Variants in DOCK8 observed in about 807,000 individuals in gnomAD.
DOCK8 encodes the protein dedicator of cytokinesis 8.
In DOCK8, 141 loss-of-function variants were observed where a neutral mutation model predicts 245.6. That is an observed-to-expected ratio of 0.57 (90% CI 0.50 to 0.66). The LOEUF is 0.66. DOCK8 is among the 30% of genes least tolerant of loss of function. The pLI is 0.00. For synonymous variants in DOCK8, 1,168 were observed against 970.2 expected (o/e 1.20, Z -3.79); for missense variants, 2,965 against 2,603.4 (o/e 1.14, Z -3.02).
chr9:257,003 C>G (rs1364636327), intron 1 of DOCK8, among the ~76,000 whole-genome samples: 5 of 152,188 alleles, frequency 3.3e-5, no homozygotes, highest in Non-Finnish European at 7.3e-5. Context: ...AAATATTCAC[C>G]CTTCCAGGCA....
chr9:241,020 A>C (rs2047363114), intron 1 of DOCK8, among the ~76,000 whole-genome samples: 1 of 152,200 alleles, frequency 6.6e-6, no homozygotes, highest in East Asian at 1.9e-4. Context: ...CTTTTAGAAA[A>C]GGGAAAATGA....
At chr9:384,358 T>G (rs1314089924) in intron 22 of DOCK8, among the ~76,000 whole-genome samples, 2 of 152,174 alleles carry the variant, frequency 1.3e-5, no homozygotes, top group Non-Finnish European at 2.9e-5. Context: ...GCTATTAGAG[T>G]AATATCATTT....
chr9:463,635 C>T lies in DOCK8; in HGVS notation c.6187C>T (p.Arg2063Trp), dbSNP rs754936136. The change falls in exon 47 of 48, where the codon CGG (arginine) becomes TGG (tryptophan). Residue 2063 changes from arginine (R) to tryptophan (W), a missense_variant. By Grantham distance (101) the Arg-to-Trp change is moderately radical. Around this residue, in one of 3 missense-constraint regions of DOCK8, gnomAD observed 134 missense variants for 128.1 expected, o/e 1.05. Transcript: ENST00000432829. ...AGAGAACCTCAGGCCAATGATCGAG[C>T]GGAAAATTCCAGAACTGTACAAGCC... ...LKENLRPMIE[R>W]KIPELYKPIF... The T allele has an allele frequency of 3.6e-5, 58 of 1,613,564 alleles. No individual in the cohort carries two copies. The highest frequency in any genetic ancestry group is 2.7e-4 in the East Asian group (12 of 44,888).
At chr9:268,762 C>T (rs2048091086) in intron 1 of DOCK8, among the ~76,000 whole-genome samples, 1 of 152,130 alleles carries the variant, frequency 6.6e-6, no homozygotes, top group South Asian at 2.1e-4. Context: ...TTGTGTTGGC[C>T]CTCCATGGCT....
intron 1 of DOCK8, among the ~76,000 whole-genome samples, chr9:268,475 T>C (rs1447629649): frequency 1.3e-5 from 2 of 152,208 alleles, no homozygotes; most frequent in Non-Finnish European, 2.9e-5. Context: ...AGTTTTGACA[T>C]AGGACAACAG....
intron 1 of DOCK8, among the ~76,000 whole-genome samples, chr9:255,659 C>T (rs2047751839): frequency 9.6e-6 from 1 of 103,658 alleles, no homozygotes; most frequent in African/African-American, 3.8e-5. Flanking sequence ...TAGAGCAAGA[C>T]TCCATCTCCA....
rs1331186691 is a variant in DOCK8, at chr9:271,796, C to A, written c.156+67C>A. 4.8e-5 allele frequency: 51 copies of A among 1,066,006 alleles called. No homozygotes were observed. The South Asian group carries it at 6.3e-4, about 13-fold the overall frequency. The allele number at this position is 1,066,006 out of a possible 1,614,324, so 66.0% of individuals were successfully genotyped here. Reference sequence around the variant, plus strand: ...CAAAAGTGCCCAGGGTATGTGTTTGCCTCCTGTTCCTTAGATCTTCCTACC... The same window carrying A: ...CAAAAGTGCCCAGGGTATGTGTTTGACTCCTGTTCCTTAGATCTTCCTACC... On this transcript the variant is annotated intron_variant, in intron 2 of 47. Transcript: ENST00000432829.
rs764064147 is a variant in DOCK8 at position 433,986 on chromosome 9, C to G, written c.4886+11C>G. On this transcript the variant is annotated intron_variant, in intron 38 of 47. Transcript: ENST00000432829. ...GGATCTCATGTACAGGTAAGCTTTC[C>G]TGACACACTCAAGGGACACCATTTG... is the stretch of plus-strand genomic sequence containing the variant. The G allele has an allele frequency of 1.3e-5, 21 of 1,591,050 alleles. 2 individuals are homozygous for G. In the South Asian group the frequency reaches 2.2e-4, roughly 17 times the overall value.
chr9:243,746 C>G (rs538773740), intron 1 of DOCK8, among the ~76,000 whole-genome samples: 16 of 152,210 alleles, frequency 1.1e-4, no homozygotes, highest in African/African-American at 3.9e-4. Context: ...CTAGAGGACT[C>G]TGATACCCAA....
Position 336,706 on chromosome 9 carries a change from C to G in DOCK8, c.1410C>G (p.Ser470Arg), listed in dbSNP as rs1007700171. 6.2e-7 allele frequency: 1 copy of G among 1,613,980 alleles called. No homozygotes were observed. The highest frequency in any genetic ancestry group is 8.5e-7 in the Non-Finnish European group (1 of 1,179,934). Residue 470 changes from serine (S) to arginine (R), a missense_variant, in exon 12 of 48, where the codon AGC becomes AGG. Coordinates refer to ENST00000432829, the MANE Select transcript of DOCK8 (RefSeq NM_203447.4). ...NFKTSTLSVS[S>R]FFKQEGDRLS... ...AAACCTCCACTCTGAGCGTTAGCAG[C>G]TTTTTCAAGCAGGTATCTCTTCACA... is the stretch of plus-strand genomic sequence containing the variant.
chr9:361,664 A>C (rs1218884768), intron 14 of DOCK8, among the ~76,000 whole-genome samples: 1 of 152,214 alleles, frequency 6.6e-6, no homozygotes, highest in African/African-American at 2.4e-5. Flanking sequence ...ACTAAGATGC[A>C]AAATGCAGCC....
intron 28 of DOCK8, among the ~76,000 whole-genome samples, chr9:412,396 C>T (rs1344581706): frequency 3.0e-5 from 4 of 134,496 alleles, no homozygotes; most frequent in Non-Finnish European, 6.2e-5. Flanking sequence ...CAGAGTAAGA[C>T]CCTGTCTCAA....
chr9:334,552 G>A (rs561628726), intron 11 of DOCK8, among the ~76,000 whole-genome samples, 168 bp downstream of exon 11: 8 of 152,086 alleles, frequency 5.3e-5, no homozygotes, highest in Non-Finnish European at 1.2e-4. Context: ...AGATTTGGAC[G>A]GTGATCTCCA....
At chr9:422,354 A>G (rs971186432) in intron 33 of DOCK8, among the ~76,000 whole-genome samples, 1 of 152,214 alleles carries the variant, frequency 6.6e-6, no homozygotes, top group African/African-American at 2.4e-5. Flanking sequence ...TAAGCATGTA[A>G]AGAAAACTAA....
At chr9:414,213 C>T (rs2055884797) in intron 28 of DOCK8, among the ~76,000 whole-genome samples, 1 of 151,590 alleles carries the variant, frequency 6.6e-6, no homozygotes, top group South Asian at 2.1e-4. Flanking sequence ...AAAAGTAAAA[C>T]TTAAAACTTG....
upstream of DOCK8, among the ~76,000 whole-genome samples, chr9:211,721 A>G (rs2046622847): frequency 6.6e-6 from 1 of 152,140 alleles, no homozygotes; most frequent in Admixed American, 6.5e-5. Context: ...AGGCAAGCAG[A>G]TGGAGTCATT....
In DOCK8 at chr9:325,659, T is replaced by A. The variant is rs761208976; in HGVS notation, c.828-12T>A. On this transcript the variant is annotated splice_polypyrimidine_tract_variant and intron_variant, in intron 7 of 47. Coordinates refer to ENST00000432829, the MANE Select transcript of DOCK8 (RefSeq NM_203447.4). ...TCAAAGCCACATAGATTTTCCTCTC[T>A]TTCTATGGTAGGTTCGAGATTGAAA... 3.7e-6 allele frequency: 6 copies of A among 1,612,718 alleles called. No individual in the cohort carries two copies. The African/African-American group carries it at 4.0e-5, about 11-fold the overall frequency.
At chr9:257,632 G>C (rs549650603) in intron 1 of DOCK8, among the ~76,000 whole-genome samples, 29 of 152,328 alleles carry the variant, frequency 1.9e-4, no homozygotes, top group African/African-American at 6.7e-4. Context: ...CGATTCTCCT[G>C]CCTCAGCCTC....
rs1212738469 is a variant in DOCK8 at position 379,027 on chromosome 9, A to T, written c.2441-744A>T. Among the ~76,000 whole-genome samples, 13 of 152,074 alleles carry T rather than the reference A, an allele frequency of 8.5e-5. 1 individual carries two copies. Among genetic ancestry groups the T allele is most frequent in the Admixed American group, 7.9e-4 (12 of 15,254 alleles). ...TCACAGGGTCGGTATGATTTTGTGG[A>T]TGGGAGTGAGGAGGGCTTCCTAGGC... On this transcript the variant is annotated intron_variant, in intron 20 of 47. Coordinates refer to ENST00000432829, the MANE Select transcript of DOCK8 (RefSeq NM_203447.4).
Sources: gnomAD v4.1 joint callset for allele counts (sites outside exome capture counted in the v4.1 genomes callset) on GRCh38, gnomAD v4.1.1 for gene constraint, gnomAD v4.1.1 regional missense constraint, MANE v1.5 for transcripts, NCBI Gene and HGNC (gene_info 2026-07-23, HGNC 2026-07-21) for gene names.